The following CCNH variants were observed in gnomAD, a reference collection of about 807,000 sequenced individuals.
The protein encoded by CCNH is cyclin H.
CCNH carries 31 observed loss-of-function variants against 41.9 expected under a neutral mutation model. That is an observed-to-expected ratio of 0.74 (90% CI 0.56 to 1.00). The LOEUF (loss-of-function observed/expected upper bound fraction) is 1.00. CCNH is among the 50% of genes least tolerant of loss of function. CCNH has a pLI of 0.00. For synonymous variants in CCNH, 138 were observed against 136.1 expected, an observed-to-expected ratio of 1.01 and a Z score of -0.10; for missense variants, 362 against 388.4, an observed-to-expected ratio of 0.93 and a Z score of 0.57.
intron 9 of CCNH, among the ~76,000 whole-genome samples, chr5:87,321,054 A>C (rs906798918): frequency 6.6e-6 from 1 of 152,212 alleles, no homozygotes; most frequent in Non-Finnish European, 1.5e-5. Context: ...GAAAGAGCCT[A>C]TTAGGGAGAT....
intron 7 of CCNH, among the ~76,000 whole-genome samples, chr5:87,396,454 C>T (rs538591246): frequency 6.6e-6 from 1 of 152,172 alleles, no homozygotes; most frequent in African/African-American, 2.4e-5. Context: ...AATCCCGTCT[C>T]TACTAAAAAT....
At chr5:87,319,937 G>A (rs912142688) in intron 9 of CCNH, among the ~76,000 whole-genome samples, 4 of 152,170 alleles carry the variant, frequency 2.6e-5, no homozygotes, top group Non-Finnish European at 5.9e-5. Flanking sequence ...ATACATATGA[G>A]CATATACTTT....
intron 9 of CCNH, among the ~76,000 whole-genome samples, chr5:87,335,419 G>GTTTTTTTTTT (rs34986349): frequency 1.2e-4 from 9 of 72,886 alleles, no homozygotes; most frequent in Admixed American, 1.9e-4. Context: ...AAAGAATGAG[G>GTTTTTTTTTT]TTTTTTTTTT....
chr5:87,334,672 C>T (rs1479906915), intron 9 of CCNH, among the ~76,000 whole-genome samples: 1 of 152,144 alleles, frequency 6.6e-6, no homozygotes, highest in Non-Finnish European at 1.5e-5. Flanking sequence ...CAAAAGTGTA[C>T]TGTATTCTTC....
chr5:87,341,349 A>AC, intron 9 of CCNH: 1 of 1,310,368 alleles, frequency 7.6e-7, no homozygotes, highest in Non-Finnish European at 9.9e-7. Flanking sequence ...ATTAAAATGA[A>AC]AAAAAAAATC....
chr5:87,363,630 A>G, intron 9 of CCNH: 1 of 1,083,070 alleles, frequency 9.2e-7, no homozygotes, highest in East Asian at 2.5e-5. Context: ...TTTCTAGGTA[A>G]TTTTTGCCTT....
upstream of CCNH, among the ~76,000 whole-genome samples, chr5:87,377,674 T>G (rs1761417162): frequency 6.6e-6 from 1 of 152,100 alleles, no homozygotes; most frequent in African/African-American, 2.4e-5. Context: ...TGCATTTTAT[T>G]TCTAACTTTT....
At chr5:87,341,366 G>A in intron 9 of CCNH, 1 of 1,229,842 alleles carries the variant, frequency 8.1e-7, no homozygotes, top group Non-Finnish European at 1.1e-6. Context: ...AATCTATATT[G>A]TAAATTTACT....
intron 9 of CCNH, among the ~76,000 whole-genome samples, chr5:87,354,117 C>T (rs1464556155): frequency 6.6e-6 from 1 of 151,408 alleles, no homozygotes; most frequent in Non-Finnish European, 1.5e-5. Context: ...ATAGCTACTA[C>T]TTATTGCAGT....
At chr5:87,403,456 G>A (rs558435160) in intron 5 of CCNH, among the ~76,000 whole-genome samples, 25 of 152,232 alleles carry the variant, frequency 1.6e-4, no homozygotes, top group African/African-American at 5.5e-4. Flanking sequence ...TTGAATTGTG[G>A]AAAAGAGGAC....
chr5:87,408,244 A>T (rs1375802957), intron 3 of CCNH, 58 bp from the exon 4 acceptor site: 2 of 809,106 alleles, frequency 2.5e-6, no homozygotes, highest in Non-Finnish European at 3.9e-6. Context: ...AAGAACATGC[A>T]TATACTTTGA....
At chr5:87,392,333 T>A (rs1264590902), downstream of CCNH, 2 of 455,840 alleles carry the variant, frequency 4.4e-6, no homozygotes, top group African/African-American at 4.0e-5. Flanking sequence ...AAGGCAGTTA[T>A]TTCTATGGGG....
At chr5:87,315,431 C>G (rs1048215971), downstream of CCNH, among the ~76,000 whole-genome samples, 1 of 152,184 alleles carries the variant, frequency 6.6e-6, no homozygotes, top group African/African-American at 2.4e-5. Context: ...ATGACCCTAT[C>G]TAATCCTCAC....
intron 9 of CCNH, chr5:87,385,364 C>A: frequency 6.2e-7 from 1 of 1,609,052 alleles, no homozygotes; most frequent in Non-Finnish European, 8.5e-7. Flanking sequence ...CAGAACTTAG[C>A]AAATCTTGTG....
At chr5:87,393,713 T>C (rs890152573), downstream of CCNH, 6 of 152,140 alleles carry the variant, frequency 3.9e-5, no homozygotes, top group Admixed American at 2.6e-4. Flanking sequence ...GTAGTCCCAA[T>C]TACTCAGAAA....
At chr5:87,390,958 T>C, downstream of CCNH, 9 of 1,426,400 alleles carry the variant, frequency 6.3e-6, no homozygotes, top group Non-Finnish European at 8.9e-6. Context: ...ATGTCTCCTT[T>C]GCTCTTGCCA....
chr5:87,355,183 A>C (rs1158203566), intron 9 of CCNH, among the ~76,000 whole-genome samples: 1 of 152,222 alleles, frequency 6.6e-6, no homozygotes, highest in Non-Finnish European at 1.5e-5. Context: ...ACAGATTTTC[A>C]GTGTAAAGAA....
At chr5:87,379,204 T>G (rs1483595491), upstream of CCNH, among the ~76,000 whole-genome samples, 3 of 152,070 alleles carry the variant, frequency 2.0e-5, no homozygotes, top group Non-Finnish European at 4.4e-5. Flanking sequence ...AGGGAAGAAA[T>G]TAGTGATTTA....
At chr5:87,378,485 C>T (rs778245184), upstream of CCNH, 28 of 1,612,274 alleles carry the variant, frequency 1.7e-5, no homozygotes, top group East Asian at 5.4e-4. Flanking sequence ...GTTTGTTCAT[C>T]ATGCTTTGAA....
Sources: gnomAD v4.1 joint callset for allele counts (sites outside exome capture counted in the v4.1 genomes callset) on GRCh38, gnomAD v4.1.1 for gene constraint, MANE v1.5 for transcripts, NCBI Gene and HGNC (gene_info 2026-07-23, HGNC 2026-07-21) for gene names.